Variants in HSF2BP observed in about 807,000 individuals in gnomAD.
The protein encoded by HSF2BP is heat shock transcription factor 2 binding protein, also known as heat shock factor 2-binding protein.
A neutral mutation model predicts 35.0 loss-of-function variants in HSF2BP; 35 were observed. That is an observed-to-expected ratio of 1.00 (90% CI 0.76 to 1.32). HSF2BP has a LOEUF of 1.32. Among genes scored for constraint, HSF2BP ranks in the 40% most tolerant of loss-of-function variants. The pLI, the probability that HSF2BP is intolerant of heterozygous loss-of-function variation, is 0.00. For missense variants in HSF2BP, 326 were observed against 321.7 expected (o/e 1.01, Z -0.10); for synonymous variants, 114 against 117.4 (o/e 0.97, Z 0.18).
chr21:43,612,373 C>T (rs551406513), intron 7 of HSF2BP, among the ~76,000 whole-genome samples: 22 of 152,250 alleles, frequency 1.4e-4, no homozygotes, highest in African/African-American at 4.3e-4. Flanking sequence ...AGTGCTAGGC[C>T]GGGCGCAGGG....
chr21:43,584,042 G>A (rs1412046615), intron 8 of HSF2BP, among the ~76,000 whole-genome samples: 1 of 139,010 alleles, frequency 7.2e-6, no homozygotes, highest in Non-Finnish European at 1.6e-5. Context: ...GGGAGATGAG[G>A]ACCTGCCGAA....
the HSF2BP span, among the ~76,000 whole-genome samples, chr21:43,459,750 C>T: frequency 4.2e-5 from 1 of 24,092 alleles, no homozygotes; most frequent in Non-Finnish European, 7.6e-5. Context: ...CAGGCTGACC[C>T]GTGCAGGGGG....
rs1286182690 is a variant in HSF2BP at position 43,597,950 on chromosome 21, T to C, written c.693-5622A>G. ...TGGTACATGTAACACATGCATGCCA[T>C]AGAAAATTTCTATTGTAGTTCTCTA... On this transcript the variant is annotated intron_variant, in intron 7 of 8. Transcript: ENST00000291560. The surrounding 1 kb of genome is among the most constrained non-coding windows in gnomAD (Gnocchi z 4.3). 6.6e-6 allele frequency among the ~76,000 whole-genome samples: 1 copy of C among 152,238 alleles called. No individual in the cohort carries two copies. The highest frequency in any genetic ancestry group is 1.5e-5 in the Non-Finnish European group (1 of 68,038).
intron 2 of HSF2BP, among the ~76,000 whole-genome samples, chr21:43,657,515 C>T (rs1204544491): frequency 2.6e-5 from 4 of 152,340 alleles, no homozygotes; most frequent in Admixed American, 2.0e-4. Context: ...CTACTATTCA[C>T]CCCAAGCCTC....
chr21:43,586,149 T>G (rs1431205406), intron 8 of HSF2BP, among the ~76,000 whole-genome samples: 1 of 152,228 alleles, frequency 6.6e-6, no homozygotes, highest in African/African-American at 2.4e-5. Flanking sequence ...ACGTAACATG[T>G]GGCCACCATC....
At position 43,658,210 on chromosome 21, in the gene HSF2BP, G is replaced by T; in HGVS notation, c.-114C>A. 8.1e-7 allele frequency: 1 copy of T among 1,240,226 alleles called. No homozygotes were observed. The highest frequency in any genetic ancestry group is 1.1e-6 in the Non-Finnish European group (1 of 926,390). 76.8% of individuals were successfully genotyped at this position (1,240,226 alleles called of 1,614,324 possible). On this transcript the variant is annotated 5_prime_UTR_variant, in exon 2 of 9. Coordinates refer to ENST00000291560, the MANE Select transcript of HSF2BP (RefSeq NM_007031.2). ...GGGGTCGGGAACGGAGAGCCGCCAG[G>T]CCCAAACCTCCCAGAATTTGCGCAG...
intron 5 of HSF2BP, among the ~76,000 whole-genome samples, chr21:43,631,775 T>A (rs1350339828): frequency 1.3e-5 from 2 of 152,054 alleles, no homozygotes; most frequent in Non-Finnish European, 2.9e-5. Context: ...ACCCACCCAT[T>A]TTCTGCCATT....
chr21:43,574,381 G>A (rs942958869), intron 8 of HSF2BP, among the ~76,000 whole-genome samples: 3 of 150,012 alleles, frequency 2.0e-5, no homozygotes, highest in African/African-American at 4.9e-5. Flanking sequence ...TTTTTGAGAC[G>A]GAGTCTCGCT....
intron 4 of HSF2BP, among the ~76,000 whole-genome samples, chr21:43,641,587 G>A (rs1354120666): frequency 6.6e-6 from 1 of 152,134 alleles, no homozygotes; most frequent in Non-Finnish European, 1.5e-5. Flanking sequence ...CTTTGTTTCT[G>A]ACCTTTTCTT....
chr21:43,583,636 G>C (rs1298288056), intron 8 of HSF2BP, among the ~76,000 whole-genome samples: 1 of 141,014 alleles, frequency 7.1e-6, no homozygotes, highest in Non-Finnish European at 1.5e-5. Flanking sequence ...ATGAAGACCT[G>C]CTGAGGGAGA....
chr21:43,610,559 T>C (rs2082191616), intron 7 of HSF2BP, among the ~76,000 whole-genome samples: 1 of 152,222 alleles, frequency 6.6e-6, no homozygotes, highest in South Asian at 2.1e-4. Context: ...TGAGCCGTGA[T>C]TGCACCACTG....
At chr21:43,609,727 G>A (rs907224278) in intron 7 of HSF2BP, among the ~76,000 whole-genome samples, 9 of 152,266 alleles carry the variant, frequency 5.9e-5, no homozygotes, top group East Asian at 3.9e-4. Context: ...GTGGTGAGAC[G>A]GAACAAGCCA....
chr21:43,595,335 A>G (rs985650667), intron 7 of HSF2BP, among the ~76,000 whole-genome samples: 3 of 152,176 alleles, frequency 2.0e-5, no homozygotes, highest in South Asian at 4.1e-4. Context: ...AAAAAAGAAG[A>G]AAGAGAAGGC....
chr21:43,625,769 A>C (rs576497432), intron 6 of HSF2BP, among the ~76,000 whole-genome samples: 54 of 152,236 alleles, frequency 3.5e-4, no homozygotes, highest in African/African-American at 1.3e-3. Context: ...TAACATGCAA[A>C]TATAAGTGCC....
chr21:43,655,940 G>A (rs1453523960), intron 3 of HSF2BP, among the ~76,000 whole-genome samples: 1 of 152,078 alleles, frequency 6.6e-6, no homozygotes, highest in African/African-American at 2.4e-5. Flanking sequence ...CTTTTCTAGA[G>A]GGCACACAGG....
In HSF2BP at chr21:43,597,318, C is replaced by T. The variant is rs1246055014; in HGVS notation, c.693-4990G>A. On this transcript the variant is annotated intron_variant, in intron 7 of 8. Coordinates refer to ENST00000291560, the MANE Select transcript of HSF2BP (RefSeq NM_007031.2). The surrounding 1 kb of genome is among the most constrained non-coding windows in gnomAD (Gnocchi z 4.3). Reference sequence around the variant, plus strand: ...ATAACAGAGTCCAGAGCCCCCACAACCTACCTTCTGCCACCTCCAGTACAC... The same window carrying T: ...ATAACAGAGTCCAGAGCCCCCACAATCTACCTTCTGCCACCTCCAGTACAC... Among the ~76,000 whole-genome samples the T allele has an allele frequency of 2.2e-4, 34 of 152,160 alleles. No homozygotes were observed. Among genetic ancestry groups the T allele is most frequent in the Admixed American group, 2.2e-3 (34 of 15,276 alleles).
intron 8 of HSF2BP, among the ~76,000 whole-genome samples, chr21:43,575,069 T>C (rs2081625707): frequency 6.6e-6 from 1 of 152,212 alleles, no homozygotes; most frequent in South Asian, 2.1e-4. Flanking sequence ...GCTCCTGCTG[T>C]GCTTTTCAGG....
At chr21:43,648,286 C>A (rs994573166) in intron 3 of HSF2BP, among the ~76,000 whole-genome samples, 9 of 152,188 alleles carry the variant, frequency 5.9e-5, no homozygotes, top group Non-Finnish European at 1.3e-4. Context: ...AGCAGCCCCG[C>A]AGGAAACTGG....
rs1170664831 is a variant in HSF2BP, at chr21:43,575,520, C to CT, written c.796+16704dup. ...CAGAAGGAGAGGATGATAAAAATAA[C>CT]TTACACTTGACTAGCAATTCACCAC... is the stretch of plus-strand genomic sequence containing the variant. On this transcript the variant is annotated intron_variant, in intron 8 of 8. Coordinates refer to ENST00000291560, the MANE Select transcript of HSF2BP (RefSeq NM_007031.2). Among the ~76,000 whole-genome samples the CT allele has an allele frequency of 6.6e-5, 10 of 152,360 alleles. No homozygotes were observed. The East Asian group carries it at 1.9e-3, about 29-fold the overall frequency.
Sources: gnomAD v4.1 joint callset for allele counts (sites outside exome capture counted in the v4.1 genomes callset) on GRCh38, gnomAD v4.1.1 for gene constraint, Gnocchi (gnomAD v3.1) non-coding constraint, MANE v1.5 for transcripts, NCBI Gene and HGNC (gene_info 2026-07-23, HGNC 2026-07-21) for gene names.